Variants in RBM48 observed in about 807,000 individuals in gnomAD.
The protein encoded by RBM48 is RNA binding motif protein 48.
A neutral mutation model predicts 34.8 loss-of-function variants in RBM48; 32 were observed. The ratio of observed to expected loss-of-function variants is 0.92; its 90% CI spans 0.69 to 1.23. The LOEUF (loss-of-function observed/expected upper bound fraction) is 1.23. Ranked by LOEUF, RBM48 falls within the 50% of genes most tolerant of loss-of-function variation. The probability of loss-of-function intolerance (pLI) is 0.00; values close to 1 mark genes in which losing one functional copy is unlikely to be tolerated. For missense variants in RBM48, 441 were observed against 447.2 expected (o/e 0.99, Z 0.12); for synonymous variants, 151 against 156.2 (o/e 0.97, Z 0.25).
chr7:92,535,052 A>G, intron 4 of RBM48, 82 bp downstream of exon 4: 1 of 1,533,638 alleles, frequency 6.5e-7, no homozygotes, highest in South Asian at 1.2e-5. Flanking sequence ...GAACAATAGT[A>G]CTGTAATTTT....
Position 92,536,964 on chromosome 7 carries a change from TA to T in RBM48, c.*32del. On this transcript the variant is annotated 3_prime_UTR_variant, in exon 5 of 5. Transcript: ENST00000265732. ...GTGCCAGCAGCAACTTAGTATTTTC[TA>T]AAAAGAACATTTATTATTTATTTTT... The T allele has an allele frequency of 6.9e-7, 1 of 1,459,726 alleles. No individual in the cohort carries two copies. The highest frequency in any genetic ancestry group is 9.3e-7 in the Non-Finnish European group (1 of 1,078,450). The allele number at this position is 1,459,726 out of a possible 1,614,324, so 90.4% of individuals were successfully genotyped here. A position where few individuals can be genotyped will look rare whatever the true frequency, so the allele number is the denominator to read the frequency against.
chr7:92,533,612 G>C (rs966508347), intron 3 of RBM48, among the ~76,000 whole-genome samples: 1 of 152,152 alleles, frequency 6.6e-6, no homozygotes, highest in African/African-American at 2.4e-5. Context: ...GGACACTTTA[G>C]TTAAGCTCTC....
chr7:92,537,136 G>C lies in RBM48; in HGVS notation c.*199G>C. ...CTTGCTCTGTTGCCCAGGCTGGAAT[G>C]CAGTGGCGTGATCTCGGCTCACTGC... is the stretch of plus-strand genomic sequence containing the variant. On this transcript the variant is annotated 3_prime_UTR_variant, in exon 5 of 5. Transcript: ENST00000265732. 1 of 392,572 alleles carries C rather than the reference G, an allele frequency of 2.5e-6. No individual in the cohort carries two copies. Among genetic ancestry groups the C allele is most frequent in the Non-Finnish European group, 4.7e-6 (1 of 213,466 alleles). The allele number at this position is 392,572 out of a possible 1,614,324, so 24.3% of individuals were successfully genotyped here. A position where few individuals can be genotyped will look rare whatever the true frequency, so the allele number is the denominator to read the frequency against.
intron 2 of RBM48, among the ~76,000 whole-genome samples, chr7:92,531,288 A>G (rs910775494): frequency 2.0e-5 from 3 of 152,344 alleles, no homozygotes; most frequent in African/African-American, 7.2e-5. Context: ...TACAGTAAAC[A>G]TTAGCTATTG....
At chr7:92,535,436 T>C (rs984273230) in intron 4 of RBM48, 1 of 1,008,934 alleles carries the variant, frequency 9.9e-7, no homozygotes, top group Non-Finnish European at 1.2e-6. Context: ...TTCTAAAAAT[T>C]AGGCCTCCAG....
rs1340396029 is a variant in RBM48 at position 92,534,697 on chromosome 7, G to T, written c.744G>T (p.Gln248His). ...YNHNDSLRKTQINSLKNSVAC... is the reference protein window; with the variant it reads ...YNHNDSLRKTHINSLKNSVAC... ...ACAATGACTCTTTGCGGAAAACACA[G>T]ATAAACTCTTTGAAAAACTCAGTGG... The change falls in exon 4 of 5, where the codon CAG (glutamine) becomes CAT (histidine). Residue 248 changes from glutamine to histidine, a missense_variant. Coordinates refer to ENST00000265732, the MANE Select transcript of RBM48 (RefSeq NM_032120.4). The T allele has an allele frequency of 1.2e-6, 2 of 1,614,168 alleles. No homozygotes were observed. The highest frequency in any genetic ancestry group is 4.5e-5 in the East Asian group (2 of 44,890).
rs758558418 is a variant in RBM48, at chr7:92,534,789, C to G, written c.836C>G (p.Thr279Arg). ...EAVDRFMPRT[T>R]QLQERKRRRE... The stretch of plus-strand genomic sequence containing the variant: ...GTTGACAGATTTATGCCTAGGACAA[C>G]ACAACTGCAGGAGCGCAAAAGAAGA... The change falls in exon 4 of 5, where the codon ACA becomes AGA. Residue 279 changes from threonine (T) to arginine (R), a missense_variant. Transcript: ENST00000265732. 6.2e-6 allele frequency: 10 copies of G among 1,614,140 alleles called. No homozygotes were observed. The highest frequency in any genetic ancestry group is 3.3e-5 in the South Asian group (3 of 91,078).
chr7:92,529,801 T>C (rs1478947281), intron 2 of RBM48, 135 bp downstream of exon 2: 1 of 580,152 alleles, frequency 1.7e-6, no homozygotes, highest in Non-Finnish European at 3.0e-6. Flanking sequence ...TCCAGCCTTT[T>C]TAAAAGTTAA....
intron 2 of RBM48, among the ~76,000 whole-genome samples, chr7:92,531,734 A>C (rs1452476347): frequency 6.6e-6 from 1 of 152,262 alleles, no homozygotes; most frequent in Non-Finnish European, 1.5e-5. Flanking sequence ...TGGCTAAGTT[A>C]CATAATGTCC....
At position 92,539,948 on chromosome 7, in the gene RBM48, C is replaced by T. The variant is rs955809912; in HGVS notation, c.*3011C>T. On this transcript the variant is annotated 3_prime_UTR_variant, in exon 5 of 5. Transcript: ENST00000265732. ...GCAGTTTGTGGTGTACTTGCTGAAA[C>T]TCTATTCAGTGTTCTATCCCTTAAG... 1.3e-5 allele frequency among the ~76,000 whole-genome samples: 2 copies of T among 152,208 alleles called. No homozygotes were observed. Among genetic ancestry groups the T allele is most frequent in the African/African-American group, 4.8e-5 (2 of 41,454 alleles).
chr7:92,530,123 G>A (rs2116312172), intron 2 of RBM48, among the ~76,000 whole-genome samples: 1 of 149,392 alleles, frequency 6.7e-6, no homozygotes, highest in African/African-American at 2.5e-5. Context: ...GTTGCAGTGA[G>A]CCGAGATTGC....
intron 4 of RBM48, 42 bp from the exon 5 acceptor site, chr7:92,536,809 A>G (rs1287629246): frequency 1.7e-5 from 26 of 1,534,216 alleles, no homozygotes; most frequent in Admixed American, 4.7e-5. Context: ...CTCCTGTGCT[A>G]TAGAAACTAA....
chr7:92,533,775 A>G (rs1028997383), intron 3 of RBM48, among the ~76,000 whole-genome samples: 3 of 152,202 alleles, frequency 2.0e-5, no homozygotes, highest in African/African-American at 7.2e-5. Flanking sequence ...ACAATCATCA[A>G]CACATAGCCA....
At chr7:92,531,127 C>T (rs1266726373) in intron 2 of RBM48, among the ~76,000 whole-genome samples, 1 of 152,108 alleles carries the variant, frequency 6.6e-6, no homozygotes, top group East Asian at 1.9e-4. Context: ...ATTTCCACTG[C>T]TTACTAGCTT....
intron 3 of RBM48, among the ~76,000 whole-genome samples, chr7:92,533,792 T>C (rs988624179): frequency 3.9e-5 from 6 of 152,162 alleles, no homozygotes; most frequent in African/African-American, 9.7e-5. Flanking sequence ...GCCAATTTCA[T>C]CTTTACCACA....
At chr7:92,530,141 C>T (rs1218130321) in intron 2 of RBM48, among the ~76,000 whole-genome samples, 1 of 144,986 alleles carries the variant, frequency 6.9e-6, no homozygotes, top group Non-Finnish European at 1.5e-5. Context: ...TGCGCCATTG[C>T]ACTCCAGACA....
At chr7:92,529,060 C>T (rs574990715) in intron 1 of RBM48, 136 bp downstream of exon 1, 4 of 710,952 alleles carry the variant, frequency 5.6e-6, no homozygotes, top group African/African-American at 5.4e-5. Flanking sequence ...GCGTGAAGAA[C>T]CCTCGGTCAG....
intron 4 of RBM48, chr7:92,536,465 T>G (rs537545067): frequency 1.0e-6 from 1 of 987,548 alleles, no homozygotes; most frequent in South Asian, 4.7e-5. Flanking sequence ...TCCTGCTCAT[T>G]TCTCCAAAGG....
In RBM48 at chr7:92,538,560, A is replaced by G. The variant is rs1793782196; in HGVS notation, c.*1623A>G. On this transcript the variant is annotated 3_prime_UTR_variant, in exon 5 of 5. Coordinates refer to ENST00000265732, the MANE Select transcript of RBM48 (RefSeq NM_032120.4). Reference sequence around the variant, plus strand: ...GATAAGGAGGGTAGGCCCTACTTCCATGTGAGGTAATTAGATACAGTTTTT... The same window carrying G: ...GATAAGGAGGGTAGGCCCTACTTCCGTGTGAGGTAATTAGATACAGTTTTT... 6.6e-6 allele frequency among the ~76,000 whole-genome samples: 1 copy of G among 152,188 alleles called. No individual in the cohort carries two copies.
Sources: allele counts gnomAD v4.1 joint callset (sites outside exome capture counted in the v4.1 genomes callset), GRCh38; gene constraint gnomAD v4.1.1; transcripts MANE v1.5; gene names NCBI Gene and HGNC (gene_info 2026-07-23, HGNC 2026-07-21).